MDFIC2: variants seen among roughly 807,000 people sequenced by gnomAD.
MDFIC2 encodes the protein MyoD family inhibitor domain containing 2.
At chr3:70,216,937 C>G (rs920404361) in intron 2 of MDFIC2, among the ~76,000 whole-genome samples, 1 of 152,118 alleles carries the variant, frequency 6.6e-6, no homozygotes, top group African/African-American at 2.4e-5. Flanking sequence ...CCACCAAAAC[C>G]CATAAAAAAT....
chr3:70,271,057 A>T (rs909060734), intron 2 of MDFIC2, among the ~76,000 whole-genome samples: 1 of 151,494 alleles, frequency 6.6e-6, no homozygotes, highest in African/African-American at 2.4e-5. Flanking sequence ...TATTGAAAAT[A>T]AAAAAAAACA....
At chr3:70,210,579 A>G (rs1277466756) in intron 2 of MDFIC2, among the ~76,000 whole-genome samples, 6 of 152,142 alleles carry the variant, frequency 3.9e-5, no homozygotes, top group Non-Finnish European at 7.4e-5. Flanking sequence ...ACTGTAAAGT[A>G]GCATAAGCTC....
intron 2 of MDFIC2, among the ~76,000 whole-genome samples, chr3:70,288,775 A>C (rs1575616586): frequency 6.6e-6 from 1 of 151,914 alleles, no homozygotes; most frequent in South Asian, 2.1e-4. Flanking sequence ...TAGGATAGTT[A>C]GCTCTTCTTG....
intron 2 of MDFIC2, among the ~76,000 whole-genome samples, chr3:70,293,069 A>G (rs1702254305): frequency 7.0e-6 from 1 of 142,288 alleles, no homozygotes; most frequent in African/African-American, 2.6e-5. Context: ...AAAAAAAAAA[A>G]AAGTAGCATA....
intron 2 of MDFIC2, among the ~76,000 whole-genome samples, chr3:70,246,168 G>A (rs1260111179): frequency 6.6e-6 from 1 of 151,874 alleles, no homozygotes; most frequent in East Asian, 1.9e-4. Flanking sequence ...AAAGCATAAA[G>A]TATTGACAGC....
At chr3:70,233,771 C>T (rs1701584204) in intron 2 of MDFIC2, among the ~76,000 whole-genome samples, 2 of 152,286 alleles carry the variant, frequency 1.3e-5, no homozygotes, top group African/African-American at 4.8e-5. Context: ...GTCAAGATTT[C>T]ACACAGCATA....
At chr3:70,246,686 A>G (rs1426439706) in intron 2 of MDFIC2, among the ~76,000 whole-genome samples, 1 of 151,868 alleles carries the variant, frequency 6.6e-6, no homozygotes, top group Admixed American at 6.6e-5. Flanking sequence ...ACACAATACT[A>G]AAAAAAATTA....
At chr3:70,214,645 T>C (rs1190085812) in intron 2 of MDFIC2, among the ~76,000 whole-genome samples, 1 of 150,308 alleles carries the variant, frequency 6.7e-6, no homozygotes, top group East Asian at 2.0e-4. Flanking sequence ...GGATAATTAC[T>C]TCAGTTTTCT....
At chr3:70,200,970 G>T (rs1243219174) in intron 3 of MDFIC2, among the ~76,000 whole-genome samples, 1 of 151,350 alleles carries the variant, frequency 6.6e-6, no homozygotes, top group Non-Finnish European at 1.5e-5. Context: ...TTTTGGGGTG[G>T]GGGTGGGTGT....
chr3:70,287,995 C>G (rs1702186140), intron 2 of MDFIC2, among the ~76,000 whole-genome samples: 1 of 151,848 alleles, frequency 6.6e-6, no homozygotes, highest in Admixed American at 6.6e-5. Context: ...TTTGTTGATC[C>G]TTTCAAAAAA....
intron 2 of MDFIC2, among the ~76,000 whole-genome samples, chr3:70,256,308 C>T (rs141569008): frequency 1.3e-3 from 194 of 152,274 alleles, no homozygotes; most frequent in Non-Finnish European, 2.2e-3. Context: ...GAAATGTACT[C>T]GTTATGTGAA....
intron 2 of MDFIC2, among the ~76,000 whole-genome samples, chr3:70,293,154 G>A (rs1702255563): frequency 6.6e-6 from 1 of 150,788 alleles, no homozygotes; most frequent in Non-Finnish European, 1.5e-5. Context: ...ATTTCTGGAA[G>A]TATTCAGCTC....
In MDFIC2 at chr3:70,282,924, G is replaced by A. The variant is rs530103344; in HGVS notation, c.88+28962C>T. Among the ~76,000 whole-genome samples the A allele has an allele frequency of 1.2e-3, 176 of 152,248 alleles. 1 individual carries two copies. The highest frequency in any genetic ancestry group is 3.5e-3 in the South Asian group (17 of 4,826). Reference sequence around the variant, plus strand: ...TCCCCAGGATGAAATAGTAAAAGGGGTAATAAAAGATGACTCTTATAACCA... The same window carrying A: ...TCCCCAGGATGAAATAGTAAAAGGGATAATAAAAGATGACTCTTATAACCA... On this transcript the variant is annotated intron_variant, in intron 2 of 3. Coordinates refer to ENST00000567252, the MANE Select transcript of MDFIC2 (RefSeq NM_001364677.1).
chr3:70,265,097 A>G (rs1478318787), intron 2 of MDFIC2, among the ~76,000 whole-genome samples: 1 of 152,268 alleles, frequency 6.6e-6, no homozygotes, highest in African/African-American at 2.4e-5. Context: ...CCATGATTCA[A>G]TTACCTCTCA....
At chr3:70,248,134 A>G (rs1236376425) in intron 2 of MDFIC2, among the ~76,000 whole-genome samples, 1 of 152,110 alleles carries the variant, frequency 6.6e-6, no homozygotes, top group Non-Finnish European at 1.5e-5. Context: ...GAACCATATT[A>G]TTCTCTGTCC....
At chr3:70,233,633 C>T (rs1023916781) in intron 2 of MDFIC2, among the ~76,000 whole-genome samples, 14 of 152,288 alleles carry the variant, frequency 9.2e-5, no homozygotes, top group Non-Finnish European at 1.5e-4. Context: ...TTCCCTATGT[C>T]CTTTTGTAAT....
chr3:70,263,597 C>T (rs1359605830), intron 2 of MDFIC2, among the ~76,000 whole-genome samples: 1 of 152,138 alleles, frequency 6.6e-6, no homozygotes, highest in Non-Finnish European at 1.5e-5. Context: ...TCATGCCTAG[C>T]CTCATAGGGT....
At chr3:70,197,741 T>C (rs1701196005) in intron 3 of MDFIC2, among the ~76,000 whole-genome samples, 1 of 152,238 alleles carries the variant, frequency 6.6e-6, no homozygotes, top group South Asian at 2.1e-4. Context: ...TCACAGCTTT[T>C]GGGTTGTGTT....
At chr3:70,260,443 T>C (rs1334386165) in intron 2 of MDFIC2, among the ~76,000 whole-genome samples, 1 of 152,092 alleles carries the variant, frequency 6.6e-6, no homozygotes, top group Admixed American at 6.6e-5. Flanking sequence ...TGGGGGTTAG[T>C]ACCTCAACAT....
Sources: allele counts gnomAD v4.1 joint callset (sites outside exome capture counted in the v4.1 genomes callset), GRCh38; gene constraint gnomAD v4.1.1; transcripts MANE v1.5; gene names NCBI Gene and HGNC (gene_info 2026-07-23, HGNC 2026-07-21).